The following DOCK7 variants were observed in gnomAD, a reference collection of about 807,000 sequenced individuals.
DOCK7 encodes the protein dedicator of cytokinesis protein 7.
A neutral mutation model predicts 271.0 loss-of-function variants in DOCK7; 138 were observed. That is an observed-to-expected ratio of 0.51 (90% CI 0.44 to 0.59). DOCK7 has a LOEUF of 0.59. Ranked by LOEUF, DOCK7 falls within the 20% of genes least tolerant of loss-of-function variation. The pLI, the probability that DOCK7 is intolerant of heterozygous loss-of-function variation, is 0.00. For missense variants in DOCK7, 2,066 were observed against 2,592.4 expected (o/e 0.80, Z 4.41); for synonymous variants, 823 against 876.1 (o/e 0.94, Z 1.07).
chr1:62,646,484 G>C (rs963383026), intron 7 of DOCK7, among the ~76,000 whole-genome samples: 27 of 152,068 alleles, frequency 1.8e-4, no homozygotes, highest in African/African-American at 6.3e-4. Context: ...GGTTAAATGA[G>C]GTCCTAAGAG....
At chr1:62,620,444 T>C (rs1434574157) in intron 12 of DOCK7, among the ~76,000 whole-genome samples, 1 of 152,020 alleles carries the variant, frequency 6.6e-6, no homozygotes, top group Non-Finnish European at 1.5e-5. Context: ...AAATTATGAT[T>C]ATAAATATCA....
intron 1 of DOCK7, among the ~76,000 whole-genome samples, chr1:62,684,212 TAAA>T (rs58337673): frequency 2.1e-5 from 3 of 143,666 alleles, no homozygotes; most frequent in Non-Finnish European, 4.6e-5. Flanking sequence ...AACTCCATCT[TAAA>T]AAAAAAAAAA....
chr1:62,614,025 T>A (rs926113853), intron 14 of DOCK7, among the ~76,000 whole-genome samples: 2 of 152,138 alleles, frequency 1.3e-5, no homozygotes, highest in African/African-American at 2.4e-5. Flanking sequence ...TCCTTTTTTT[T>A]AACATTATTC....
chr1:62,597,725 G>A (rs575552258), intron 14 of DOCK7: 1 of 1,613,482 alleles, frequency 6.2e-7, no homozygotes, highest in African/African-American at 1.3e-5. Context: ...TCCTTCAGTT[G>A]GGACATGGTC....
chr1:62,517,503 G>A (rs925257368), intron 31 of DOCK7, among the ~76,000 whole-genome samples: 3 of 152,128 alleles, frequency 2.0e-5, no homozygotes, highest in Admixed American at 6.5e-5. Context: ...GTTGAGGCAG[G>A]AGAATTGCTT....
intron 31 of DOCK7, chr1:62,516,693 TCC>T (rs1226906480): frequency 1.3e-5 from 2 of 152,124 alleles, no homozygotes; most frequent in Non-Finnish European, 2.9e-5. Context: ...TAAATTATTT[TCC>T]CCAGTTTGTG....
chr1:62,687,498 A>C (rs995526891), intron 1 of DOCK7: 3 of 150,048 alleles, frequency 2.0e-5, no homozygotes, highest in Admixed American at 1.3e-4. Flanking sequence ...TCTGAGAAAC[A>C]CAGGCGCACA....
chr1:62,507,898 A>G, intron 35 of DOCK7, 64 bp downstream of exon 35: 2 of 1,465,332 alleles, frequency 1.4e-6, no homozygotes, highest in South Asian at 2.4e-5. Context: ...CACAGTAAAC[A>G]CTTTTCCCTC....
At position 62,618,740 on chromosome 1, in the gene DOCK7, C is replaced by T. The variant is rs146330198; in HGVS notation, c.1648G>A (p.Ala550Thr). ...RPTREILEFP[A>T]RDVYVPNTTY... ...GTGTTTGGAACATAAACATCCCTTG[C>T]GGGAAACTCTAAGATTTCTCTGGTA... The change falls in exon 14 of 50, where the codon GCA (alanine) becomes ACA (threonine). Residue 550 changes from alanine (A) to threonine (T), a missense_variant. Physicochemically the swap from Ala to Thr is moderately conservative, Grantham distance 58. Coordinates refer to ENST00000635253, the MANE Select transcript of DOCK7 (RefSeq NM_001367561.1). 6.2e-6 allele frequency: 10 copies of T among 1,613,404 alleles called. No individual in the cohort carries two copies. Among genetic ancestry groups the T allele is most frequent in the African/African-American group, 1.3e-5 (1 of 74,882 alleles).
chr1:62,572,782 C>T (rs1219275393), intron 18 of DOCK7, among the ~76,000 whole-genome samples: 1 of 152,172 alleles, frequency 6.6e-6, no homozygotes, highest in Admixed American at 6.5e-5. Context: ...TAGGCTTCAA[C>T]ATATGATTTT....
At chr1:62,640,533 G>GA (rs1655888431) in intron 7 of DOCK7, among the ~76,000 whole-genome samples, 1 of 151,990 alleles carries the variant, frequency 6.6e-6, no homozygotes, top group African/African-American at 2.4e-5. Flanking sequence ...AAAAAAGAAA[G>GA]AAAAAATTAA....
At chr1:62,505,594 T>C in intron 36 of DOCK7, 88 bp downstream of exon 36, 1 of 1,389,366 alleles carries the variant, frequency 7.2e-7, no homozygotes, top group African/African-American at 1.4e-5. Flanking sequence ...TTACTACATA[T>C]ATTAACCAAT....
At chr1:62,604,915 A>G in intron 14 of DOCK7, 1 of 1,301,844 alleles carries the variant, frequency 7.7e-7, no homozygotes, top group South Asian at 1.3e-5. Context: ...AGAAAGCTTG[A>G]GAAATAGATT....
intron 48 of DOCK7, among the ~76,000 whole-genome samples, chr1:62,465,136 A>T (rs1645639645): frequency 6.6e-6 from 1 of 152,186 alleles, no homozygotes; most frequent in Non-Finnish European, 1.5e-5. Context: ...TTTTGTAGCC[A>T]CCTCTTGTTG....
chr1:62,555,126 A>G (rs1056453626), intron 21 of DOCK7, among the ~76,000 whole-genome samples: 3 of 152,168 alleles, frequency 2.0e-5, no homozygotes, highest in Non-Finnish European at 4.4e-5. Context: ...GACATCTCCC[A>G]CCGTTACCTC....
At chr1:62,595,167 T>G (rs1649044753) in intron 14 of DOCK7, among the ~76,000 whole-genome samples, 1 of 152,102 alleles carries the variant, frequency 6.6e-6, no homozygotes, top group African/African-American at 2.4e-5. Flanking sequence ...GAGACCAAAA[T>G]TCAGAAAATC....
intron 43 of DOCK7, chr1:62,487,148 A>G: frequency 3.0e-6 from 1 of 336,402 alleles, no homozygotes; most frequent in Non-Finnish European, 5.5e-6. Context: ...AGTGATGACA[A>G]AGTGGCTCAT....
chr1:62,592,736 A>G (rs1203426034), intron 14 of DOCK7, among the ~76,000 whole-genome samples: 1 of 152,174 alleles, frequency 6.6e-6, no homozygotes, highest in African/African-American at 2.4e-5. Flanking sequence ...TAGATTTATC[A>G]ACATTTTTTG....
chr1:62,510,601 C>T lies in DOCK7; in HGVS notation c.4355G>A (p.Arg1452His), dbSNP rs1381692784. 4.3e-6 allele frequency: 7 copies of T among 1,613,072 alleles called. No homozygotes were observed. The highest frequency in any genetic ancestry group is 1.1e-5 in the South Asian group (1 of 90,958). The change falls in exon 34 of 50, where the codon CGT (arginine) becomes CAT (histidine). Residue 1452 changes from arginine to histidine, a missense_variant. By Grantham distance (29) the Arg-to-His change is conservative (BLOSUM62 0). This residue lies in a region of DOCK7 where 652 missense variants were observed against 922.1 expected (regional missense o/e 0.71). Transcript: ENST00000635253. ...CTTGTCAAGCTTCTCTGTGTTTTGA[C>T]GCCAGTGAGTCATATCTTTCCTCCA... ...LRWRKDMTHW[R>H]QNTEKLDKSR...
Sources: allele counts gnomAD v4.1 joint callset (sites outside exome capture counted in the v4.1 genomes callset), GRCh38; gene constraint gnomAD v4.1.1; regional missense constraint gnomAD v4.1.1; transcripts MANE v1.5; gene names NCBI Gene and HGNC (gene_info 2026-07-23, HGNC 2026-07-21).